Variants in PCDH15 observed in about 807,000 individuals in gnomAD.
PCDH15 encodes the protein protocadherin related 15, also known as protocadherin-15.
PCDH15 carries 129 observed loss-of-function variants against 178.5 expected under a neutral mutation model. That is an observed-to-expected ratio of 0.72 (90% CI 0.63 to 0.84). PCDH15 has a LOEUF of 0.84. Ranked by LOEUF, PCDH15 falls within the 40% of genes least tolerant of loss-of-function variation. The probability of loss-of-function intolerance (pLI) is 0.00; values close to 1 mark genes in which losing one functional copy is unlikely to be tolerated. For synonymous variants in PCDH15, 800 were observed against 732.0 expected (o/e 1.09, Z -1.50); for missense variants, 2,230 against 2,099.9 (o/e 1.06, Z -1.21).
chr10:54,094,444 G>A (rs1399555530), intron 15 of PCDH15, among the ~76,000 whole-genome samples: 1 of 152,092 alleles, frequency 6.6e-6, no homozygotes, highest in African/African-American at 2.4e-5. Flanking sequence ...GCTTGTAAAA[G>A]GTGAAAGAGT....
chr10:53,822,007 A>G (rs2076299896), intron 32 of PCDH15: 1 of 1,613,826 alleles, frequency 6.2e-7, no homozygotes, highest in African/African-American at 1.3e-5. Flanking sequence ...GTGCGTAGAT[A>G]GTTTTTTTCT....
intron 2 of PCDH15, among the ~76,000 whole-genome samples, chr10:54,643,290 G>T (rs2094037039): frequency 6.6e-6 from 1 of 152,128 alleles, no homozygotes; most frequent in Non-Finnish European, 1.5e-5. Flanking sequence ...CTCCTCAAAT[G>T]ACTTTTTATA....
At chr10:53,871,187 A>C (rs906332149) in intron 26 of PCDH15, among the ~76,000 whole-genome samples, 5 of 151,714 alleles carry the variant, frequency 3.3e-5, no homozygotes, top group Non-Finnish European at 5.9e-5. Flanking sequence ...AAAAAAAAAA[A>C]AAAATTAGCT....
intron 1 of PCDH15, among the ~76,000 whole-genome samples, chr10:55,280,644 T>G (rs1367316762): frequency 6.6e-6 from 1 of 151,918 alleles, no homozygotes; most frequent in Non-Finnish European, 1.5e-5. Context: ...GAGATGTTGA[T>G]TATATCTTTA....
chr10:54,496,772 A>C (rs2080155601), intron 3 of PCDH15, among the ~76,000 whole-genome samples: 1 of 152,212 alleles, frequency 6.6e-6, no homozygotes, highest in South Asian at 2.1e-4. Flanking sequence ...TTAATGGAAA[A>C]ATTTCAAACA....
intron 25 of PCDH15, among the ~76,000 whole-genome samples, chr10:53,925,486 C>T (rs907528521): frequency 3.9e-5 from 6 of 152,306 alleles, no homozygotes; most frequent in Admixed American, 3.9e-4. Context: ...CGAGGGTCCG[C>T]GGCTTCATTC....
At chr10:55,287,835 C>A (rs1352947765) in intron 1 of PCDH15, among the ~76,000 whole-genome samples, 1 of 151,796 alleles carries the variant, frequency 6.6e-6, no homozygotes, top group East Asian at 1.9e-4. Flanking sequence ...TCTCAGAGAC[C>A]ACATATCTTC....
chr10:54,090,184 G>A (rs2094576883), intron 15 of PCDH15, 121 bp from the exon 16 acceptor site: 1 of 792,260 alleles, frequency 1.3e-6, no homozygotes, highest in African/African-American at 1.7e-5. Flanking sequence ...AAAGAATAAA[G>A]ATTAAAGCAT....
intron 37 of PCDH15, chr10:53,809,052 G>C (rs778583665): frequency 1.2e-6 from 2 of 1,611,188 alleles, no homozygotes; most frequent in South Asian, 2.2e-5. Context: ...CCTCAACCAT[G>C]GGCCTTCTTC....
chr10:54,455,251 T>C (rs1191824798), intron 3 of PCDH15, among the ~76,000 whole-genome samples: 1 of 152,106 alleles, frequency 6.6e-6, no homozygotes, highest in African/African-American at 2.4e-5. Flanking sequence ...AAACTGGTAG[T>C]GCAGAGAGTG....
intron 2 of PCDH15, among the ~76,000 whole-genome samples, chr10:55,046,345 A>C (rs993952760): frequency 1.3e-5 from 2 of 151,998 alleles, no homozygotes. Flanking sequence ...CCATGTGGTG[A>C]TATCTGAATG....
At position 54,905,118 on chromosome 10, in the gene PCDH15, G is replaced by C. The variant is rs1001990184; in HGVS notation, c.-79-7618C>G. 3.3e-5 allele frequency among the ~76,000 whole-genome samples: 5 copies of C among 151,894 alleles called. No homozygotes were observed. The East Asian group carries it at 5.9e-4, about 18-fold the overall frequency. On this transcript the variant is annotated intron_variant, in intron 2 of 5. Transcript: ENST00000458638. ...TCCCACACCTAATAAATAAATGACAGAGCAAGGATTTGGCCTCAAAGTCCA... is the reference window on the plus strand; with the variant it reads ...TCCCACACCTAATAAATAAATGACACAGCAAGGATTTGGCCTCAAAGTCCA...
intron 26 of PCDH15, among the ~76,000 whole-genome samples, chr10:53,897,591 G>A (rs1416379858): frequency 1.2e-5 from 1 of 85,916 alleles, no homozygotes; most frequent in East Asian, 8.5e-4. Context: ...TTGACATTAA[G>A]TGTATTCACA....
intron 2 of PCDH15, among the ~76,000 whole-genome samples, chr10:55,345,407 T>C (rs1013135718): frequency 2.0e-5 from 3 of 151,972 alleles, no homozygotes; most frequent in Admixed American, 6.6e-5. Context: ...TCCATCATCA[T>C]GTTGTATAAA....
chr10:55,061,952 G>A (rs1387392407), intron 2 of PCDH15, among the ~76,000 whole-genome samples: 1 of 152,180 alleles, frequency 6.6e-6, no homozygotes, highest in Non-Finnish European at 1.5e-5. Flanking sequence ...CCCGGGATGG[G>A]GAGGTTGCAT....
intron 3 of PCDH15, among the ~76,000 whole-genome samples, chr10:54,834,425 C>A (rs1052484832): frequency 6.6e-6 from 1 of 151,862 alleles, no homozygotes; most frequent in South Asian, 2.1e-4. Context: ...GTGATTCGCC[C>A]GCCTCAGCCT....
intron 2 of PCDH15, among the ~76,000 whole-genome samples, chr10:55,442,908 T>C (rs986883178): frequency 3.3e-5 from 5 of 152,164 alleles, no homozygotes; most frequent in Admixed American, 2.6e-4. Flanking sequence ...AGGAGAAGAA[T>C]GGAACATTCC....
upstream of PCDH15, among the ~76,000 whole-genome samples, chr10:54,804,243 G>A (rs1952737836): frequency 1.3e-5 from 2 of 152,116 alleles, no homozygotes; most frequent in Non-Finnish European, 1.5e-5. Context: ...GTTTCACCAT[G>A]TTAGCCAGGA....
intron 2 of PCDH15, among the ~76,000 whole-genome samples, chr10:55,057,462 C>T (rs550341955): frequency 3.4e-4 from 52 of 151,924 alleles, no homozygotes; most frequent in Non-Finnish European, 6.0e-4. Context: ...TCTTATGTTT[C>T]TCGGAAATTT....
Sources: allele counts gnomAD v4.1 joint callset (sites outside exome capture counted in the v4.1 genomes callset), GRCh38; gene constraint gnomAD v4.1.1; transcripts MANE v1.5; gene names NCBI Gene and HGNC (gene_info 2026-07-23, HGNC 2026-07-21).